Variants in CD6 observed in about 807,000 individuals in gnomAD.
The protein encoded by CD6 is T-cell differentiation antigen CD6.
In CD6, 53 loss-of-function variants were observed where a neutral mutation model predicts 75.3. That is an observed-to-expected ratio of 0.70 (90% confidence interval 0.56 to 0.88). The LOEUF (loss-of-function observed/expected upper bound fraction) is 0.88. Ranked by LOEUF, CD6 falls within the 40% of genes least tolerant of loss-of-function variation. The pLI, the probability that CD6 is intolerant of heterozygous loss-of-function variation, is 0.00. For missense variants in CD6, 770 were observed against 897.1 expected (o/e 0.86, Z 1.81); for synonymous variants, 359 against 381.5 (o/e 0.94, Z 0.69).
chr11:61,011,934 G>C (rs1859171941), intron 6 of CD6, among the ~76,000 whole-genome samples: 2 of 152,212 alleles, frequency 1.3e-5, no homozygotes, highest in African/African-American at 2.4e-5. Flanking sequence ...ATTAATTTTT[G>C]TAAAGCACTT....
At chr11:60,976,930 T>C (rs561245336) in intron 1 of CD6, among the ~76,000 whole-genome samples, 29 of 152,352 alleles carry the variant, frequency 1.9e-4, no homozygotes, top group African/African-American at 6.3e-4. Context: ...CAAGACTTCA[T>C]CTCATAGATA....
chr11:60,989,259 G>A (rs1424418693), intron 1 of CD6: 1 of 152,206 alleles, frequency 6.6e-6, no homozygotes, highest in East Asian at 1.9e-4. Flanking sequence ...TCATAATAGT[G>A]TCTCCTCACA....
chr11:61,003,001 G>T (rs575013058), intron 1 of CD6, among the ~76,000 whole-genome samples: 1 of 147,132 alleles, frequency 6.8e-6, no homozygotes, highest in African/African-American at 2.4e-5. Context: ...GTCTCGCTCT[G>T]TTGGCCAGGC....
At position 61,008,834 on chromosome 11, in the gene CD6, C is replaced by T. The variant is rs2074225; in HGVS notation, c.770C>T (p.Ala257Val). ...TGCGGCCACAAAGAGGACGCGGGCG[C>T]GGTGTGCTCAGGTCAGTGGGCGGAG... ...HYCGHKEDAG[A>V]VCSEHQSWRL... The change falls in exon 4 of 13, where the codon GCG becomes GTG. Residue 257 changes from alanine to valine, a missense_variant. By Grantham distance (64) the Ala-to-Val change is moderately conservative. Transcript: ENST00000313421. 888,454 of 1,545,390 alleles carry T rather than the reference C, an allele frequency of 0.57. 258,994 individuals are homozygous for T. The highest frequency in any genetic ancestry group is 0.75 in the Middle Eastern group (4,323 of 5,752).
At chr11:60,992,475 C>G (rs561929262) in intron 1 of CD6, among the ~76,000 whole-genome samples, 1 of 152,158 alleles carries the variant, frequency 6.6e-6, no homozygotes, top group East Asian at 1.9e-4. Flanking sequence ...CTTTCTGATG[C>G]CTATGATGTG....
At position 61,017,730 on chromosome 11, in the gene CD6, T is replaced by G. The variant is rs1859476442; in HGVS notation, c.1583-29T>G. The G allele has an allele frequency of 5.0e-6, 8 of 1,613,364 alleles. 1 individual carries two copies. The East Asian group carries it at 1.8e-4, about 36-fold the overall frequency. ...AAGCCCTCTTGCTGCACTGCTTCTT[T>G]CGTCACCATTCTCCCTTTCCTGCCT... On this transcript the variant is annotated intron_variant, in intron 10 of 12. Coordinates refer to ENST00000313421, the MANE Select transcript of CD6 (RefSeq NM_006725.5).
chr11:60,987,998 A>G (rs1857897477), intron 1 of CD6: 1 of 152,262 alleles, frequency 6.6e-6, no homozygotes, highest in African/African-American at 2.4e-5. Context: ...GGGAACTCAG[A>G]AGGACTTTGA....
chr11:61,006,547 C>T, intron 1 of CD6, 27 bp from the exon 2 acceptor site: 1 of 1,566,142 alleles, frequency 6.4e-7, no homozygotes. Flanking sequence ...CTCACTCACC[C>T]ACCATGCTGC....
chr11:61,001,053 G>A (rs1207073493), intron 1 of CD6, among the ~76,000 whole-genome samples: 1 of 152,122 alleles, frequency 6.6e-6, no homozygotes, highest in African/African-American at 2.4e-5. Flanking sequence ...ATGATTTTCA[G>A]GGGCACACAG....
chr11:60,996,732 C>A (rs768067769), intron 1 of CD6, among the ~76,000 whole-genome samples: 1 of 152,242 alleles, frequency 6.6e-6, no homozygotes, highest in Non-Finnish European at 1.5e-5. Flanking sequence ...CCTGTCCTGG[C>A]AGTGCTCCAG....
rs1208419165 is a variant in CD6 at position 61,007,952 on chromosome 11, C to T, written c.469+42C>T. On this transcript the variant is annotated intron_variant, in intron 3 of 12. Transcript: ENST00000313421. This position sits in a 1 kb window ranked among gnomAD's most constrained non-coding sequence, Gnocchi z 4.2. Reference sequence around the variant, plus strand: ...TACACGGGCCCCCACCTGCCCCACTCCCCAGGCCTTCAGCCACTGCCCCTG... The same window carrying T: ...TACACGGGCCCCCACCTGCCCCACTTCCCAGGCCTTCAGCCACTGCCCCTG... The T allele has an allele frequency of 3.4e-5, 42 of 1,227,814 alleles. 1 individual carries two copies. The South Asian group carries it at 1.0e-3, about 30-fold the overall frequency. The allele number at this position is 1,227,814 out of a possible 1,614,324, so 76.1% of individuals were successfully genotyped here.
intron 5 of CD6, among the ~76,000 whole-genome samples, 170 bp from the exon 6 acceptor site, chr11:61,010,900 G>A (rs913458349): frequency 7.2e-5 from 11 of 152,066 alleles, no homozygotes; most frequent in Non-Finnish European, 1.5e-4. Flanking sequence ...CCTTACTGTG[G>A]GGGGTGGGGT....
Position 60,999,784 on chromosome 11 carries a change from C to T in CD6, c.50-6790C>T, listed in dbSNP as rs1247482705. Among the ~76,000 whole-genome samples the T allele has an allele frequency of 9.9e-5, 15 of 152,052 alleles. No homozygotes were observed. The East Asian group carries it at 1.5e-3, about 16-fold the overall frequency. On this transcript the variant is annotated intron_variant, in intron 1 of 12. Transcript: ENST00000313421. Reference sequence around the variant, plus strand: ...GCACAGGGTCGGGTTCTGTGGCTCACGCCTGTAATCCCAGCACTTTGGGAG... The same window carrying T: ...GCACAGGGTCGGGTTCTGTGGCTCATGCCTGTAATCCCAGCACTTTGGGAG...
intron 1 of CD6, among the ~76,000 whole-genome samples, chr11:60,974,973 C>T (rs1590661494): frequency 6.6e-6 from 1 of 152,182 alleles, no homozygotes; most frequent in Non-Finnish European, 1.5e-5. Flanking sequence ...GACTCTAATG[C>T]CAGCTGTGCT....
intron 1 of CD6, among the ~76,000 whole-genome samples, chr11:60,972,278 C>T (rs1224322909): frequency 6.6e-6 from 1 of 152,162 alleles, no homozygotes; most frequent in South Asian, 2.1e-4. Context: ...TCCAGAGAGG[C>T]AGGACCACTG....
intron 1 of CD6, chr11:60,982,486 T>C (rs1315699696): frequency 4.6e-6 from 2 of 434,120 alleles, no homozygotes; most frequent in Non-Finnish European, 9.3e-6. Context: ...TGTTCACCTC[T>C]TTCAGGAGGG....
At chr11:61,004,176 C>T (rs1858734097) in intron 1 of CD6, among the ~76,000 whole-genome samples, 2 of 152,148 alleles carry the variant, frequency 1.3e-5, no homozygotes, top group Non-Finnish European at 2.9e-5. Context: ...GCCCCACACA[C>T]ATCACATTCA....
intron 1 of CD6, among the ~76,000 whole-genome samples, chr11:60,976,598 G>A (rs1485148263): frequency 6.6e-6 from 1 of 152,100 alleles, no homozygotes; most frequent in Non-Finnish European, 1.5e-5. Context: ...AAACAATGGC[G>A]CCATTGCAGG....
intron 1 of CD6, among the ~76,000 whole-genome samples, chr11:60,992,377 G>A (rs901305848): frequency 1.3e-5 from 2 of 151,922 alleles, no homozygotes; most frequent in African/African-American, 2.4e-5. Context: ...GGCAAGGGGG[G>A]CATGTGAAGA....
Sources: allele counts gnomAD v4.1 joint callset (sites outside exome capture counted in the v4.1 genomes callset), GRCh38; gene constraint gnomAD v4.1.1; non-coding constraint Gnocchi (gnomAD v3.1); transcripts MANE v1.5; gene names NCBI Gene and HGNC (gene_info 2026-07-23, HGNC 2026-07-21).